ZNF292: variants seen among roughly 807,000 people sequenced by gnomAD.
ZNF292 encodes the protein zinc finger protein 292.
A neutral mutation model predicts 217.9 loss-of-function variants in ZNF292; 26 were observed. That is an observed-to-expected ratio of 0.12 (90% CI 0.09 to 0.17). The LOEUF (loss-of-function observed/expected upper bound fraction) is 0.17, where lower values mean the gene tolerates loss of function less well. Among genes scored for constraint, ZNF292 ranks in the 10% least tolerant of loss-of-function variants. The pLI is 1.00. For synonymous variants in ZNF292, 1,257 were observed against 1,124.1 expected (o/e 1.12, Z -2.37); for missense variants, 2,904 against 3,175.2 (o/e 0.91, Z 2.05).
chr6:87,206,831 C>G (rs1174566207), intron 1 of ZNF292, among the ~76,000 whole-genome samples: 1 of 152,178 alleles, frequency 6.6e-6, no homozygotes, highest in Non-Finnish European at 1.5e-5. Flanking sequence ...ATCACACACG[C>G]AGAACCTTAT....
chr6:87,189,878 C>G (rs1771777373), intron 1 of ZNF292, among the ~76,000 whole-genome samples: 1 of 152,196 alleles, frequency 6.6e-6, no homozygotes, highest in African/African-American at 2.4e-5. Flanking sequence ...AGGGCAGAAT[C>G]TAGATAAACT....
intron 1 of ZNF292, among the ~76,000 whole-genome samples, chr6:87,162,675 C>T (rs1161271416): frequency 6.6e-6 from 1 of 152,156 alleles, no homozygotes; most frequent in Non-Finnish European, 1.5e-5. Context: ...TTGCTTGCCC[C>T]CTTCTTATCC....
In ZNF292 at chr6:87,256,249, T is replaced by A. The variant is rs1315053286; in HGVS notation, c.2620T>A (p.Ser874Thr). ...NIEKERSMLPSENNIENSLLA... is the reference protein window; with the variant it reads ...NIEKERSMLPTENNIENSLLA... ...TGAGAAAGAAAGATCTATGCTTCCT[T>A]CAGAAAATAACATTGAAAACAGCTT... Residue 874 changes from serine (S) to threonine (T), a missense_variant, in exon 8 of 8, where the codon TCA becomes ACA. By Grantham distance (58) the Ser-to-Thr change is moderately conservative. Transcript: ENST00000369577. 2.5e-6 allele frequency: 4 copies of A among 1,613,698 alleles called. No individual in the cohort carries two copies. Among genetic ancestry groups the A allele is most frequent in the African/African-American group, 1.3e-5 (1 of 74,910 alleles).
rs530429703 is a variant in ZNF292 at position 87,244,850 on chromosome 6, T to C, written c.879-653T>C. Among the ~76,000 whole-genome samples, 62 of 152,218 alleles carry C rather than the reference T, an allele frequency of 4.1e-4. 1 individual carries two copies. Among genetic ancestry groups the C allele is most frequent in the African/African-American group, 1.4e-3 (58 of 41,552 alleles). On this transcript the variant is annotated intron_variant, in intron 6 of 7. Transcript: ENST00000369577. ...TTTATATATATATTATATATACACA[T>C]GCACACACATATATACGTACACACA...
chr6:87,179,287 A>G (rs1378588491), intron 1 of ZNF292, among the ~76,000 whole-genome samples: 1 of 150,584 alleles, frequency 6.6e-6, no homozygotes, highest in Admixed American at 6.7e-5. Flanking sequence ...CAGCTTCCCG[A>G]GTAGCTGGGA....
chr6:87,177,282 G>C (rs987881929), intron 1 of ZNF292, among the ~76,000 whole-genome samples: 6 of 149,772 alleles, frequency 4.0e-5, no homozygotes, highest in African/African-American at 1.5e-4. Flanking sequence ...AGCCGAGATC[G>C]CACCACTGTA....
At chr6:87,232,959 C>T (rs1301439541) in intron 4 of ZNF292, among the ~76,000 whole-genome samples, 1 of 151,970 alleles carries the variant, frequency 6.6e-6, no homozygotes, top group Non-Finnish European at 1.5e-5. Context: ...CCTAGCATTA[C>T]AGATTTTAGG....
chr6:87,180,305 G>T (rs1044358879), intron 1 of ZNF292, among the ~76,000 whole-genome samples: 1 of 152,264 alleles, frequency 6.6e-6, no homozygotes, highest in African/African-American at 2.4e-5. Flanking sequence ...TGTGAGTGGA[G>T]AGTGCTGGAA....
At chr6:87,211,664 T>G (rs1455735150) in intron 1 of ZNF292, among the ~76,000 whole-genome samples, 2 of 152,214 alleles carry the variant, frequency 1.3e-5, no homozygotes, top group Admixed American at 6.5e-5. Context: ...AAATATTCAG[T>G]AAATATTATT....
At chr6:87,233,889 A>G (rs1773773163) in intron 5 of ZNF292, among the ~76,000 whole-genome samples, 1 of 152,248 alleles carries the variant, frequency 6.6e-6, no homozygotes, top group East Asian at 1.9e-4. Flanking sequence ...GGCTAATTTA[A>G]GTAACTTTAT....
rs991285201 is a variant in ZNF292 at position 87,263,587 on chromosome 6, G to C, written c.*1786G>C. On this transcript the variant is annotated 3_prime_UTR_variant, in exon 8 of 8. Coordinates refer to ENST00000369577, the MANE Select transcript of ZNF292 (RefSeq NM_015021.3). The stretch of plus-strand genomic sequence containing the variant: ...TGAATAGTTCATTTCACCTGTTTAA[G>C]ACTTACTACCAATAAGCATAAAACC... The C allele has an allele frequency of 6.6e-6, 1 of 151,820 alleles. No homozygotes were observed. Among genetic ancestry groups the C allele is most frequent in the Non-Finnish European group, 1.5e-5 (1 of 67,920 alleles). The allele number at this position is 151,820 out of a possible 1,614,324, so 9.4% of individuals were successfully genotyped here. A position where few individuals can be genotyped will look rare whatever the true frequency, so the allele number is the denominator to read the frequency against.
chr6:87,168,046 C>A (rs1026897041), intron 1 of ZNF292, among the ~76,000 whole-genome samples: 2 of 152,150 alleles, frequency 1.3e-5, no homozygotes, highest in Admixed American at 1.3e-4. Context: ...TACCTAATTT[C>A]CATAATCTGC....
At chr6:87,182,289 T>A (rs1285209922) in intron 1 of ZNF292, among the ~76,000 whole-genome samples, 1 of 152,222 alleles carries the variant, frequency 6.6e-6, no homozygotes, top group Non-Finnish European at 1.5e-5. Context: ...GTTAAAAGTC[T>A]ATTATATTGT....
chr6:87,158,002 C>A (rs1280247884), intron 1 of ZNF292, among the ~76,000 whole-genome samples: 1 of 152,060 alleles, frequency 6.6e-6, no homozygotes, highest in South Asian at 2.1e-4. Flanking sequence ...GTGAGCACCG[C>A]GTCCCGCCAG....
intron 1 of ZNF292, among the ~76,000 whole-genome samples, chr6:87,166,916 C>T (rs1770935085): frequency 6.6e-6 from 1 of 152,112 alleles, no homozygotes; most frequent in Admixed American, 6.5e-5. Context: ...TACTTGTCCT[C>T]AGATATTAAC....
intron 1 of ZNF292, 150 bp downstream of exon 1, chr6:87,155,909 TTG>T: frequency 3.0e-6 from 3 of 999,602 alleles, no homozygotes; most frequent in Non-Finnish European, 4.3e-6. Context: ...GAAGGCGCCT[TTG>T]TGTGGCTGCA....
intron 1 of ZNF292, among the ~76,000 whole-genome samples, chr6:87,173,185 T>G (rs1334928779): frequency 8.8e-6 from 1 of 113,570 alleles, no homozygotes. Flanking sequence ...GATTAATTTA[T>G]TGTCAGTTTT....
intron 1 of ZNF292, among the ~76,000 whole-genome samples, chr6:87,194,511 A>G (rs950599924): frequency 6.6e-6 from 1 of 152,206 alleles, no homozygotes; most frequent in African/African-American, 2.4e-5. Context: ...ATCAGGAATA[A>G]GGAGACAACC....
At chr6:87,204,483 A>C (rs534820705) in intron 1 of ZNF292, among the ~76,000 whole-genome samples, 98 of 150,388 alleles carry the variant, frequency 6.5e-4, no homozygotes, top group Non-Finnish European at 1.0e-3. Flanking sequence ...CTTTTCTGTA[A>C]CTTTGTGATT....
Sources: allele counts gnomAD v4.1 joint callset (sites outside exome capture counted in the v4.1 genomes callset), GRCh38; gene constraint gnomAD v4.1.1; transcripts MANE v1.5; gene names NCBI Gene and HGNC (gene_info 2026-07-23, HGNC 2026-07-21).